The following LRIG1 variants were observed in gnomAD, a reference collection of about 807,000 sequenced individuals.
The protein encoded by LRIG1 is leucine-rich repeats and immunoglobulin-like domains protein 1.
LRIG1 carries 48 observed loss-of-function variants against 99.2 expected under a neutral mutation model. The ratio of observed to expected loss-of-function variants is 0.48; its 90% confidence interval spans 0.38 to 0.62. LRIG1 has a LOEUF of 0.62. Ranked by LOEUF, LRIG1 falls within the 20% of genes least tolerant of loss-of-function variation. LRIG1 has a pLI of 0.00. For missense variants in LRIG1, 1,646 were observed against 1,434.4 expected, an observed-to-expected ratio of 1.15 and a Z score of -2.38; for synonymous variants, 772 against 596.1, an observed-to-expected ratio of 1.29 and a Z score of -4.30.
Position 66,379,713 on chromosome 3 carries a change from A to C in LRIG1, c.*550T>G, listed in dbSNP as rs1700918923. The C allele has an allele frequency of 6.6e-6, 1 of 152,518 alleles. No homozygotes were observed. Among genetic ancestry groups the C allele is most frequent in the Admixed American group, 6.5e-5 (1 of 15,320 alleles). 9.4% of individuals were successfully genotyped at this position (152,518 alleles called of 1,614,324 possible). On this transcript the variant is annotated 3_prime_UTR_variant, in exon 19 of 19. Coordinates refer to ENST00000273261, the MANE Select transcript of LRIG1 (RefSeq NM_015541.3). ...GGAAGCCTGTTGCAGGGGCATCCAC[A>C]CATGAGCAGTGCTCACCTGAAGCTC...
At chr3:66,468,944 A>G (rs1700536671) in intron 1 of LRIG1, 2 of 152,244 alleles carry the variant, frequency 1.3e-5, no homozygotes, top group Admixed American at 6.5e-5. Context: ...ATAAAAGAGA[A>G]TAAGACTTCG....
chr3:66,467,961 G>A (rs1251293572), intron 1 of LRIG1, among the ~76,000 whole-genome samples: 1 of 152,174 alleles, frequency 6.6e-6, no homozygotes, highest in Non-Finnish European at 1.5e-5. Flanking sequence ...CAAGTCCTTT[G>A]AGCACACAAA....
At chr3:66,405,670 T>C (rs1559781238) in intron 8 of LRIG1, 5 of 1,066,526 alleles carry the variant, frequency 4.7e-6, no homozygotes, top group Admixed American at 4.2e-5. Flanking sequence ...CAGAGTCCCT[T>C]TTCTGGACAT....
chr3:66,425,089 T>C (rs898805199), intron 3 of LRIG1, among the ~76,000 whole-genome samples: 2 of 152,188 alleles, frequency 1.3e-5, no homozygotes, highest in East Asian at 1.9e-4. Context: ...ATTGAAGAAA[T>C]TGAGGCTCAG....
At position 66,398,966 on chromosome 3, in the gene LRIG1, TCA is replaced by T; in HGVS notation, c.1232+2_1232+3del. 6.2e-7 allele frequency: 1 copy of T among 1,613,930 alleles called. No individual in the cohort carries two copies. The highest frequency in any genetic ancestry group is 8.5e-7 in the Non-Finnish European group (1 of 1,179,816). On this transcript the variant is annotated splice_donor_variant and splice_donor_region_variant and intron_variant, in intron 10 of 18. Coordinates refer to ENST00000273261, the MANE Select transcript of LRIG1 (RefSeq NM_015541.3). LOFTEE classifies it high-confidence loss of function. ...CCTCAGGGCAGGGCTGGTGAGATAC[TCA>T]CAGGTGCTCCAGGCCTTCCAGCCCC... is the stretch of plus-strand genomic sequence containing the variant.
At chr3:66,495,898 G>A (rs1184226884) in intron 1 of LRIG1, among the ~76,000 whole-genome samples, 2 of 152,192 alleles carry the variant, frequency 1.3e-5, no homozygotes, top group African/African-American at 4.8e-5. Context: ...TGTGATCATG[G>A]TGTCTGAGGG....
At chr3:66,479,122 C>A in intron 1 of LRIG1, among the ~76,000 whole-genome samples, 1 of 152,234 alleles carries the variant, frequency 6.6e-6, no homozygotes, top group Middle Eastern at 3.2e-3. Flanking sequence ...CTGTCCAGAG[C>A]AATTACCCTG....
intron 8 of LRIG1, among the ~76,000 whole-genome samples, chr3:66,406,686 A>G (rs1702280247): frequency 6.6e-6 from 1 of 152,154 alleles, no homozygotes; most frequent in South Asian, 2.1e-4. Flanking sequence ...CCAACCATGG[A>G]AAAGTTTTAT....
chr3:66,429,441 A>G (rs1159457790), intron 3 of LRIG1, among the ~76,000 whole-genome samples: 1 of 152,250 alleles, frequency 6.6e-6, no homozygotes, highest in East Asian at 1.9e-4. Flanking sequence ...CTAAGGAAAT[A>G]CACATTGTTG....
intron 1 of LRIG1, among the ~76,000 whole-genome samples, chr3:66,466,427 T>C (rs1430873411): frequency 6.6e-6 from 1 of 152,228 alleles, no homozygotes; most frequent in African/African-American, 2.4e-5. Flanking sequence ...CAGATGACAT[T>C]TGGGTTGTTC....
chr3:66,380,836 A>C lies in LRIG1; in HGVS notation c.2796T>G (p.Ser932Arg). The C allele has an allele frequency of 6.2e-7, 1 of 1,614,160 alleles. No homozygotes were observed. ...AACAGTCCACTTCGGTGTTGCAGTC[A>C]CTGCATACGACCCGGCCACCGTGTT... Reference protein sequence around the residue: ...KMEHGGRVVCSDCNTEVDCYS... With the variant: ...KMEHGGRVVCRDCNTEVDCYS... Residue 932 changes from serine to arginine, a missense_variant, in exon 18 of 19, where the codon AGT becomes AGG. Coordinates refer to ENST00000273261, the MANE Select transcript of LRIG1 (RefSeq NM_015541.3).
In LRIG1 at chr3:66,398,899, T is replaced by C. The variant is rs1321484040; in HGVS notation, c.1232+71A>G. 1.3e-5 allele frequency: 16 copies of C among 1,267,716 alleles called. No homozygotes were observed. The East Asian group carries it at 3.2e-4, about 26-fold the overall frequency. 78.5% of individuals were successfully genotyped at this position (1,267,716 alleles called of 1,614,324 possible). A position where few individuals can be genotyped will look rare whatever the true frequency, so the allele number is the denominator to read the frequency against. ...CTCAGTTTACAAAGATGCGATTAAA[T>C]TGCTAGCAGAACTCCCCGGCAGCCG... On this transcript the variant is annotated intron_variant, in intron 10 of 18. Transcript: ENST00000273261.
In LRIG1 at chr3:66,441,014, G is replaced by A. The variant is rs1191265592; in HGVS notation, c.365+10545C>T. Among the ~76,000 whole-genome samples, 5 of 152,120 alleles carry A rather than the reference G, an allele frequency of 3.3e-5. No homozygotes were observed. In the East Asian group the frequency reaches 7.7e-4, roughly 23 times the overall value. On this transcript the variant is annotated intron_variant, in intron 3 of 18. Transcript: ENST00000273261. ...CATTTGTACCTACCTTTGTCCTACCGCTACGTGGAAAAGGAGCCCTGCTAT... is the reference window on the plus strand; with the variant it reads ...CATTTGTACCTACCTTTGTCCTACCACTACGTGGAAAAGGAGCCCTGCTAT...
intron 12 of LRIG1, among the ~76,000 whole-genome samples, chr3:66,393,216 A>T (rs548630702): frequency 1.2e-4 from 18 of 152,344 alleles, no homozygotes; most frequent in African/African-American, 4.3e-4. Context: ...GGATCCTCAC[A>T]GCAGGGATCT....
intron 4 of LRIG1, among the ~76,000 whole-genome samples, chr3:66,416,758 C>T (rs963905932): frequency 6.6e-6 from 1 of 152,192 alleles, no homozygotes; most frequent in African/African-American, 2.4e-5. Context: ...CTCTAACCAT[C>T]CTCCCTGAAT....
chr3:66,434,873 G>A (rs6763531), intron 3 of LRIG1, among the ~76,000 whole-genome samples: 6,612 of 151,748 alleles, frequency 0.044, 463 homozygotes, highest in African/African-American at 0.15. Flanking sequence ...AGAGTCTGAC[G>A]GTTTCTTAAA....
At chr3:66,414,568 C>G (rs375287519) in intron 5 of LRIG1, among the ~76,000 whole-genome samples, 1 of 152,074 alleles carries the variant, frequency 6.6e-6, no homozygotes, top group South Asian at 2.1e-4. Flanking sequence ...ACAGATTTTA[C>G]GGGTATCTTA....
intron 1 of LRIG1, among the ~76,000 whole-genome samples, chr3:66,489,882 A>G (rs967896162): frequency 6.6e-6 from 1 of 152,052 alleles, no homozygotes; most frequent in Non-Finnish European, 1.5e-5. Flanking sequence ...CAGGTGAATC[A>G]TTTTTATGCC....
chr3:66,380,698 G>C lies in LRIG1; in HGVS notation c.2934C>G (p.His978Gln). Residue 978 changes from histidine (H) to glutamine (Q), a missense_variant, in exon 18 of 19, where the codon CAC becomes CAG. His to Gln is a conservative substitution (Grantham distance 24). Coordinates refer to ENST00000273261, the MANE Select transcript of LRIG1 (RefSeq NM_015541.3). Reference protein sequence around the residue: ...GGSDQEHSPHHQCSRTAAGSC... With the variant: ...GGSDQEHSPHQQCSRTAAGSC... ...ACCCAGCGGCAGTCCTGCTGCACTGGTGATGTGGAGAATGCTCTTGGTCAC... is the reference window on the plus strand; with the variant it reads ...ACCCAGCGGCAGTCCTGCTGCACTGCTGATGTGGAGAATGCTCTTGGTCAC... 1 of 1,614,214 alleles carries C rather than the reference G, an allele frequency of 6.2e-7. No homozygotes were observed. Among genetic ancestry groups the C allele is most frequent in the South Asian group, 1.1e-5 (1 of 91,090 alleles).
Sources: gnomAD v4.1 joint callset for allele counts (sites outside exome capture counted in the v4.1 genomes callset) on GRCh38, gnomAD v4.1.1 for gene constraint, MANE v1.5 for transcripts, NCBI Gene and HGNC (gene_info 2026-07-23, HGNC 2026-07-21) for gene names.